The following PCDHA2 variants were observed in gnomAD, a reference collection of about 807,000 sequenced individuals.
PCDHA2 encodes the protein protocadherin alpha 2.
PCDHA2 carries 58 observed loss-of-function variants against 66.0 expected under a neutral mutation model. That is an observed-to-expected ratio of 0.88 (90% CI 0.71 to 1.09). The LOEUF (loss-of-function observed/expected upper bound fraction) is 1.09, where lower values mean the gene tolerates loss of function less well. PCDHA2 is among the 50% of genes least tolerant of loss of function. PCDHA2 has a pLI of 0.00. For synonymous variants in PCDHA2, 634 were observed against 554.0 expected (o/e 1.14, Z -2.03); for missense variants, 1,267 against 1,242.3 (o/e 1.02, Z -0.30).
Position 141,010,344 on chromosome 5 carries a change from G to C in PCDHA2, c.*407G>C. ...CAGCTTGGGAGTTTGTGGCCACTGG[G>C]TATGTGTGGCTACCGCGGGTATGCG... is the stretch of plus-strand genomic sequence containing the variant. On this transcript the variant is annotated 3_prime_UTR_variant, in exon 4 of 4. Transcript: ENST00000526136. 1 of 1,518,888 alleles carries C rather than the reference G, an allele frequency of 6.6e-7. No homozygotes were observed. Among genetic ancestry groups the C allele is most frequent in the Non-Finnish European group, 8.8e-7 (1 of 1,132,764 alleles). The allele number at this position is 1,518,888 out of a possible 1,614,324, so 94.1% of individuals were successfully genotyped here.
In PCDHA2 at chr5:140,876,309, T is replaced by G. The variant is rs868927753; in HGVS notation, c.2388+78957T>G. On this transcript the variant is annotated intron_variant, in intron 1 of 3. Transcript: ENST00000526136. ...AAGGACTTAATGGAGAAATTTCCTATGGGATCAAAATGATTTTGCCAGTGA... is the reference window on the plus strand; with the variant it reads ...AAGGACTTAATGGAGAAATTTCCTAGGGGATCAAAATGATTTTGCCAGTGA... The G allele has an allele frequency of 6.2e-6, 10 of 1,614,064 alleles. No homozygotes were observed. The Admixed American group carries it at 1.7e-4, about 27-fold the overall frequency.
rs2150182781 is a variant in PCDHA2, at chr5:140,830,210, G to A, written c.2388+32858G>A. The A allele has an allele frequency of 1.3e-5, 21 of 1,613,836 alleles. 2 individuals carry two copies. In the South Asian group the frequency reaches 2.3e-4, roughly 18 times the overall value. On this transcript the variant is annotated intron_variant, in intron 1 of 3. Coordinates refer to ENST00000526136, the MANE Select transcript of PCDHA2 (RefSeq NM_018905.3). ...GTACCTGATCATCGCCATCTGCGCG[G>A]TATCCAGCCTGCTGGTCCTCACGCT...
At chr5:140,993,018 C>T (rs2097537347) in intron 3 of PCDHA2, among the ~76,000 whole-genome samples, 1 of 152,174 alleles carries the variant, frequency 6.6e-6, no homozygotes, top group African/African-American at 2.4e-5. Flanking sequence ...AGTCCAGCAT[C>T]CCCTGTGGGC....
intron 1 of PCDHA2, chr5:140,883,108 AT>A (rs1261032162): frequency 6.2e-7 from 1 of 1,614,018 alleles, no homozygotes; most frequent in Non-Finnish European, 8.5e-7. Flanking sequence ...TAGTTTACTC[AT>A]TTAGAAGGCC....
chr5:140,802,319 G>A (rs782049826), intron 1 of PCDHA2: 1 of 1,614,234 alleles, frequency 6.2e-7, no homozygotes, highest in Non-Finnish European at 8.5e-7. Flanking sequence ...TGATCAGCGT[G>A]TCCGACCGCG....
At chr5:140,808,052 G>A in intron 1 of PCDHA2, 2 of 1,614,034 alleles carry the variant, frequency 1.2e-6, no homozygotes, top group Non-Finnish European at 1.7e-6. Context: ...TTCGCCAAAT[G>A]TGAAATCCAA....
intron 3 of PCDHA2, among the ~76,000 whole-genome samples, chr5:141,008,498 T>G (rs2098379874): frequency 6.6e-6 from 1 of 152,158 alleles, no homozygotes. Context: ...CTGGTATACT[T>G]TATGGTGTGT....
intron 1 of PCDHA2, chr5:140,821,841 C>T: frequency 6.2e-7 from 1 of 1,614,178 alleles, no homozygotes; most frequent in Non-Finnish European, 8.5e-7. Flanking sequence ...TCCTTGCCTA[C>T]TGGAAGGCAG....
intron 1 of PCDHA2, among the ~76,000 whole-genome samples, chr5:140,965,085 C>T (rs1439379437): frequency 6.6e-6 from 1 of 152,142 alleles, no homozygotes; most frequent in African/African-American, 2.4e-5. Context: ...TGACTTTGTT[C>T]CAGTCCATAG....
intron 1 of PCDHA2, chr5:140,864,514 A>ATTTTACTTCTTAATT (rs2048501242): frequency 6.6e-6 from 1 of 152,082 alleles, no homozygotes; most frequent in African/African-American, 2.4e-5. Context: ...TTTAAAGGTG[A>ATTTTACTTCTTAATT]TTTTACTTCT....
Position 140,927,792 on chromosome 5 carries a change from T to C in PCDHA2, c.2389-51157T>C, listed in dbSNP as rs12522306. On this transcript the variant is annotated intron_variant, in intron 1 of 3. Coordinates refer to ENST00000526136, the MANE Select transcript of PCDHA2 (RefSeq NM_018905.3). The stretch of plus-strand genomic sequence containing the variant: ...AGGTGCAAGTAGCTGCTTCACTAGG[T>C]CCGCCTGAAACGCTCTTGGAGGCAT... 8,419 of 1,614,148 alleles carry C rather than the reference T, an allele frequency of 5.2e-3. 630 individuals carry two copies. The Admixed American group carries it at 0.13, about 25-fold the overall frequency.
chr5:140,812,020 A>G (rs1295694653), intron 1 of PCDHA2: 3 of 150,728 alleles, frequency 2.0e-5, no homozygotes, highest in Non-Finnish European at 4.4e-5. Context: ...TTGGACTTTT[A>G]AAATGAGTTT....
rs782807362 is a variant in PCDHA2 at position 140,884,482 on chromosome 5, T to G, written c.2388+87130T>G. ...GCGCGTGCGCGCCGGGCAAGCCCACTCTAGTGTGCTCCAGCGCGGCAGGGA... is the reference window on the plus strand; with the variant it reads ...GCGCGTGCGCGCCGGGCAAGCCCACGCTAGTGTGCTCCAGCGCGGCAGGGA... On this transcript the variant is annotated intron_variant, in intron 1 of 3. Transcript: ENST00000526136. 1.6e-5 allele frequency: 26 copies of G among 1,613,830 alleles called. No homozygotes were observed. In the East Asian group the frequency reaches 4.5e-4, roughly 28 times the overall value.
intron 1 of PCDHA2, chr5:140,883,464 C>G (rs1219426048): frequency 6.2e-7 from 1 of 1,614,044 alleles, no homozygotes; most frequent in African/African-American, 1.3e-5. Flanking sequence ...AAGCTGGTGT[C>G]CACCTACAAG....
At chr5:140,933,618 G>T (rs2089270614) in intron 1 of PCDHA2, among the ~76,000 whole-genome samples, 1 of 151,904 alleles carries the variant, frequency 6.6e-6, no homozygotes, top group African/African-American at 2.4e-5. Flanking sequence ...TTCTTATTAG[G>T]TTAGGCTGGC....
intron 1 of PCDHA2, chr5:140,859,459 C>A (rs1379028308): frequency 9.2e-6 from 2 of 216,756 alleles, no homozygotes; most frequent in Non-Finnish European, 1.8e-5. Context: ...AGTGACAAAA[C>A]TACACTATCA....
chr5:140,879,838 A>G (rs73793511), intron 1 of PCDHA2, among the ~76,000 whole-genome samples: 3,913 of 152,230 alleles, frequency 0.026, 159 homozygotes, highest in African/African-American at 0.089. Flanking sequence ...TTGTGGCTGT[A>G]CCACTCCCAT....
At chr5:140,857,673 C>T (rs372854727) in intron 1 of PCDHA2, 3 of 1,596,826 alleles carry the variant, frequency 1.9e-6, no homozygotes, top group Non-Finnish European at 2.6e-6. Context: ...GGGGGCGTGC[C>T]GCCTCTGGGC....
chr5:141,000,163 A>G (rs2097894710), intron 3 of PCDHA2, among the ~76,000 whole-genome samples: 1 of 152,054 alleles, frequency 6.6e-6, no homozygotes, highest in African/African-American at 2.4e-5. Context: ...AAACTATTTG[A>G]TTATTGAGCC....
Sources: allele counts gnomAD v4.1 joint callset (sites outside exome capture counted in the v4.1 genomes callset), GRCh38; gene constraint gnomAD v4.1.1; transcripts MANE v1.5; gene names NCBI Gene and HGNC (gene_info 2026-07-23, HGNC 2026-07-21).